DAPK2: variants seen among roughly 807,000 people sequenced by gnomAD.
The protein encoded by DAPK2 is death associated protein kinase 2.
In DAPK2, 35 loss-of-function variants were observed where a neutral mutation model predicts 44.1. The observed-to-expected ratio is 0.79, with a 90% CI of 0.61 to 1.05. The LOEUF (loss-of-function observed/expected upper bound fraction) is 1.05. Among genes scored for constraint, DAPK2 ranks in the 50% least tolerant of loss-of-function variants. The pLI, the probability that DAPK2 is intolerant of heterozygous loss-of-function variation, is 0.00. For synonymous variants in DAPK2, 174 were observed against 182.6 expected (o/e 0.95, Z 0.38); for missense variants, 453 against 483.2 (o/e 0.94, Z 0.59).
Position 63,923,956 on chromosome 15 carries a change from G to A in DAPK2, c.858+860C>T, listed in dbSNP as rs1171363637. On this transcript the variant is annotated intron_variant, in intron 8 of 10. Coordinates refer to ENST00000261891, the Ensembl canonical transcript of DAPK2. The surrounding 1 kb of genome is among the most constrained non-coding windows in gnomAD (Gnocchi z 4.2). ...CTGCCTCGGCCTCCCAAAGTGCTGGGATTACAGGCATGAGCCACTGCACCT... is the reference window on the plus strand; with the variant it reads ...CTGCCTCGGCCTCCCAAAGTGCTGGAATTACAGGCATGAGCCACTGCACCT... 6.6e-6 allele frequency among the ~76,000 whole-genome samples: 1 copy of A among 152,172 alleles called. No homozygotes were observed. Among genetic ancestry groups the A allele is most frequent in the Non-Finnish European group, 1.5e-5 (1 of 68,032 alleles).
intron 3 of DAPK2, among the ~76,000 whole-genome samples, chr15:63,944,554 G>T (rs1444772075): frequency 6.6e-6 from 1 of 152,220 alleles, no homozygotes; most frequent in Admixed American, 6.5e-5. Flanking sequence ...TGATGCTAGT[G>T]TTCTATGTGA....
chr15:63,921,666 C>T (rs1358182003), intron 8 of DAPK2: 1 of 152,248 alleles, frequency 6.6e-6, no homozygotes, highest in Non-Finnish European at 1.5e-5. Context: ...CAAAAACCCT[C>T]ACGGAACTTC....
chr15:63,917,363 C>CAA lies in DAPK2; in HGVS notation c.859-5168_859-5167dup, dbSNP rs5813263. 377 of 135,416 alleles carry CAA rather than the reference C, an allele frequency of 2.8e-3. 2 individuals are homozygous for CAA. Among genetic ancestry groups the CAA allele is most frequent in the Middle Eastern group, 0.011 (3 of 274 alleles). 8.4% of individuals were successfully genotyped at this position (135,416 alleles called of 1,614,324 possible). Reference sequence around the variant, plus strand: ...GGGCAACGAGAGTGAAACTCTGTCTCAAAAAAAAAAAAAGAAAAAAAGAAG... The same window carrying CAA: ...GGGCAACGAGAGTGAAACTCTGTCTCAAAAAAAAAAAAAAAGAAAAAAAGAAG... On this transcript the variant is annotated intron_variant, in intron 8 of 10. Transcript: ENST00000261891. This position sits in a 1 kb window ranked among gnomAD's most constrained non-coding sequence, Gnocchi z 4.4.
chr15:63,957,006 T>C, intron 3 of DAPK2, among the ~76,000 whole-genome samples: 1 of 152,262 alleles, frequency 6.6e-6, no homozygotes, highest in Non-Finnish European at 1.5e-5. Context: ...TAAATATCTA[T>C]TAGGTCCATT....
intron 1 of DAPK2, among the ~76,000 whole-genome samples, chr15:63,996,386 T>C (rs948233339): frequency 6.6e-6 from 1 of 152,170 alleles, no homozygotes; most frequent in Non-Finnish European, 1.5e-5. Flanking sequence ...GAGACTGCAG[T>C]GAGCTATGAT....
rs114923018 is a variant in DAPK2, at chr15:63,937,614, C to T, written c.583+1618G>A. Among the ~76,000 whole-genome samples, 472 of 152,290 alleles carry T rather than the reference C, an allele frequency of 3.1e-3. 1 individual carries two copies. The highest frequency in any genetic ancestry group is 0.011 in the African/African-American group (461 of 41,560). ...TCAGAGACCTCTCCCACTCCAACAC[C>T]AGCCCTTTTCCTCTCACTCACTCAA... On this transcript the variant is annotated intron_variant, in intron 4 of 10. Transcript: ENST00000261891.
In DAPK2 at chr15:63,980,545, T is replaced by G. The variant is rs1178816723; in HGVS notation, c.314+2988A>C. 1.3e-5 allele frequency among the ~76,000 whole-genome samples: 2 copies of G among 152,232 alleles called. No individual in the cohort carries two copies. Among genetic ancestry groups the G allele is most frequent in the African/African-American group, 4.8e-5 (2 of 41,468 alleles). On this transcript the variant is annotated intron_variant, in intron 2 of 10. Transcript: ENST00000261891. The surrounding 1 kb of genome is among the most constrained non-coding windows in gnomAD (Gnocchi z 4.3). Reference sequence around the variant, plus strand: ...ATTGAGTCCCAAAAATGTCAGCCTTTGGCTTAGTCATCCCATTCCTGGGGA... The same window carrying G: ...ATTGAGTCCCAAAAATGTCAGCCTTGGGCTTAGTCATCCCATTCCTGGGGA...
Position 64,020,647 on chromosome 15 carries a change from T to G in DAPK2, c.92+19523A>C, listed in dbSNP as rs2079655919. ...TTTGATAGCGAAAAGAAATCTAGGCTTAAAGAAAAATATTTATAGAAAGGA... is the reference window on the plus strand; with the variant it reads ...TTTGATAGCGAAAAGAAATCTAGGCGTAAAGAAAAATATTTATAGAAAGGA... On this transcript the variant is annotated intron_variant, in intron 1 of 10. Transcript: ENST00000261891. This position sits in a 1 kb window ranked among gnomAD's most constrained non-coding sequence, Gnocchi z 4.5. 6.6e-6 allele frequency among the ~76,000 whole-genome samples: 1 copy of G among 152,166 alleles called. No homozygotes were observed. Among genetic ancestry groups the G allele is most frequent in the Non-Finnish European group, 1.5e-5 (1 of 68,036 alleles).
At chr15:63,920,173 GC>G (rs2079033250) in intron 8 of DAPK2, 1 of 152,190 alleles carries the variant, frequency 6.6e-6, no homozygotes, top group Non-Finnish European at 1.5e-5. Flanking sequence ...TACTGTTTTT[GC>G]CAGCCATCCA....
chr15:63,920,799 G>A (rs2079051070), intron 8 of DAPK2: 1 of 152,264 alleles, frequency 6.6e-6, no homozygotes, highest in South Asian at 2.1e-4. Context: ...TTGTTCTCCG[G>A]TCATTTCCGC....
intron 1 of DAPK2, among the ~76,000 whole-genome samples, chr15:64,034,814 T>G (rs1688230170): frequency 6.6e-6 from 1 of 152,246 alleles, no homozygotes; most frequent in South Asian, 2.1e-4. Flanking sequence ...TTGGATTAAA[T>G]TTTTGTTGAA....
intron 4 of DAPK2, among the ~76,000 whole-genome samples, chr15:63,937,356 G>T (rs1266555489): frequency 6.6e-6 from 1 of 151,846 alleles, no homozygotes; most frequent in African/African-American, 2.4e-5. Flanking sequence ...TTTTTTTTGA[G>T]ACCTGGTTAT....
At chr15:64,014,064 T>C (rs1017298097) in intron 1 of DAPK2, among the ~76,000 whole-genome samples, 3 of 152,212 alleles carry the variant, frequency 2.0e-5, no homozygotes, top group African/African-American at 7.2e-5. Context: ...TACTTGGTTT[T>C]CCTCTAACTA....
At chr15:64,045,222 C>T (rs1001431720), upstream of DAPK2, among the ~76,000 whole-genome samples, 1 of 152,180 alleles carries the variant, frequency 6.6e-6, no homozygotes, top group East Asian at 1.9e-4. Flanking sequence ...TCCACACACC[C>T]CTGACCCCTC....
chr15:63,909,583 C>G (rs1197061104), intron 10 of DAPK2: 1 of 152,166 alleles, frequency 6.6e-6, no homozygotes, highest in Non-Finnish European at 1.5e-5. Context: ...GGGTGGATCA[C>G]CTGAGGTCAG....
Position 63,939,176 on chromosome 15 carries a change from A to T in DAPK2, c.583+56T>A. Reference sequence around the variant, plus strand: ...CCCCAGACACAGGTTTCTTCCCAGGATCCCTACCTTTGATGCCAGATTCTT... The same window carrying T: ...CCCCAGACACAGGTTTCTTCCCAGGTTCCCTACCTTTGATGCCAGATTCTT... On this transcript the variant is annotated intron_variant, in intron 4 of 10. Coordinates refer to ENST00000261891, the Ensembl canonical transcript of DAPK2. This position sits in a 1 kb window ranked among gnomAD's most constrained non-coding sequence, Gnocchi z 4.3. 1.2e-6 allele frequency: 2 copies of T among 1,605,412 alleles called. No individual in the cohort carries two copies. The highest frequency in any genetic ancestry group is 8.5e-7 in the Non-Finnish European group (1 of 1,175,246).
At chr15:63,998,553 C>T (rs542765832) in intron 1 of DAPK2, among the ~76,000 whole-genome samples, 1 of 152,290 alleles carries the variant, frequency 6.6e-6, no homozygotes, top group South Asian at 2.1e-4. Context: ...GAGAAGGGTC[C>T]CCACATATGC....
Position 63,924,800 on chromosome 15 carries a change from A to G in DAPK2, c.858+16T>C, listed in dbSNP as rs757807485. On this transcript the variant is annotated intron_variant, in intron 8 of 10. Coordinates refer to ENST00000261891, the Ensembl canonical transcript of DAPK2. ...AGGGACCCTTTGCCCATTGGAACTCATGGCTGTGCCCTTACCGTGATCCAG... is the reference window on the plus strand; with the variant it reads ...AGGGACCCTTTGCCCATTGGAACTCGTGGCTGTGCCCTTACCGTGATCCAG... 42 of 1,613,984 alleles carry G rather than the reference A, an allele frequency of 2.6e-5. No homozygotes were observed. Among genetic ancestry groups the G allele is most frequent in the Middle Eastern group, 1.7e-4 (1 of 6,050 alleles).
chr15:64,033,287 G>GGGAAGGAAGGAAGGAAGGACGGAAGGAA, intron 1 of DAPK2, among the ~76,000 whole-genome samples: 1 of 51,224 alleles, frequency 2.0e-5, no homozygotes, highest in South Asian at 1.1e-3. Flanking sequence ...AGGGGGAAGG[G>GGGAAGGAAGGAAGGAAGGACGGAAGGAA]GGAAGGAAGG....
Sources: gnomAD v4.1 joint callset for allele counts (sites outside exome capture counted in the v4.1 genomes callset) on GRCh38, gnomAD v4.1.1 for gene constraint, Gnocchi (gnomAD v3.1) non-coding constraint, MANE v1.5 for transcripts, NCBI Gene and HGNC (gene_info 2026-07-23, HGNC 2026-07-21) for gene names.